The following CREB5 variants were observed in gnomAD, a reference collection of about 807,000 sequenced individuals.
CREB5 encodes cAMP responsive element binding protein 5.
CREB5 carries 19 observed loss-of-function variants against 57.1 expected under a neutral mutation model. The ratio of observed to expected loss-of-function variants is 0.33; its 90% CI spans 0.23 to 0.49. The LOEUF (loss-of-function observed/expected upper bound fraction) is 0.49. Among genes scored for constraint, CREB5 ranks in the 20% least tolerant of loss-of-function variants. The probability of loss-of-function intolerance (pLI) is 0.99; values close to 1 mark genes in which losing one functional copy is unlikely to be tolerated. For missense variants in CREB5, 579 were observed against 671.6 expected, an observed-to-expected ratio of 0.86 and a Z score of 1.52; for synonymous variants, 238 against 238.3, an observed-to-expected ratio of 1.00 and a Z score of 0.01.
rs77895098 is a variant in CREB5 at position 28,509,527 on chromosome 7, A to G, written c.291+1790A>G. On this transcript the variant is annotated intron_variant, in intron 4 of 10. Transcript: ENST00000357727. ...CTAAACTTTGAAAACCTTTTCGAAC[A>G]TTGTGACGAGCATATTTTACTTCCT... 3.2e-3 allele frequency among the ~76,000 whole-genome samples: 486 copies of G among 152,294 alleles called. 4 individuals carry two copies. The highest frequency in any genetic ancestry group is 0.011 in the African/African-American group (456 of 41,560).
At chr7:28,447,785 C>T (rs1232555030) in intron 1 of CREB5, among the ~76,000 whole-genome samples, 1 of 152,154 alleles carries the variant, frequency 6.6e-6, no homozygotes, top group Non-Finnish European at 1.5e-5. Flanking sequence ...ATTCCCAGCC[C>T]GTCTCAGGTA....
chr7:28,584,180 T>A (rs1478272733), intron 5 of CREB5, among the ~76,000 whole-genome samples: 1 of 152,160 alleles, frequency 6.6e-6, no homozygotes, highest in South Asian at 2.1e-4. Flanking sequence ...GACAGTCCTT[T>A]ACTTCTTCCT....
intron 7 of CREB5, among the ~76,000 whole-genome samples, chr7:28,792,342 G>GA (rs199972159): frequency 2.1e-4 from 29 of 141,394 alleles, no homozygotes; most frequent in East Asian, 4.1e-4. Flanking sequence ...ATATCACATG[G>GA]AAAAAAAAAA....
intron 1 of CREB5, among the ~76,000 whole-genome samples, chr7:28,312,704 G>A (rs1347310523): frequency 6.6e-6 from 1 of 152,168 alleles, no homozygotes; most frequent in South Asian, 2.1e-4. Flanking sequence ...CCTGGTAAAG[G>A]TAGGTCCAGG....
intron 4 of CREB5, among the ~76,000 whole-genome samples, chr7:28,531,961 G>A (rs185927946): frequency 9.8e-5 from 15 of 152,296 alleles, no homozygotes; most frequent in South Asian, 4.1e-4. Flanking sequence ...CCCAGGAGGC[G>A]GAGGTTGCAG....
chr7:28,394,106 A>AAAAAT (rs1787289337), intron 1 of CREB5, among the ~76,000 whole-genome samples: 6 of 136,796 alleles, frequency 4.4e-5, no homozygotes, highest in Non-Finnish European at 6.2e-5. Context: ...AAAAAAAAAA[A>AAAAAT]GTGGACTTGG....
At chr7:28,581,414 GA>G (rs1414191525) in intron 5 of CREB5, among the ~76,000 whole-genome samples, 1 of 152,282 alleles carries the variant, frequency 6.6e-6, no homozygotes, top group Non-Finnish European at 1.5e-5. Flanking sequence ...CCATTAAAGA[GA>G]AAAGAGTATG....
At chr7:28,724,704 G>A (rs1240060149) in intron 7 of CREB5, 6 of 170,936 alleles carry the variant, frequency 3.5e-5, no homozygotes, top group African/African-American at 4.8e-5. Context: ...CACTCTTCCT[G>A]TCCCCATATT....
intron 8 of CREB5, among the ~76,000 whole-genome samples, chr7:28,808,621 C>A (rs1808894997): frequency 6.6e-6 from 1 of 151,942 alleles, no homozygotes; most frequent in African/African-American, 2.4e-5. Context: ...TCATGGCAAC[C>A]TCAACCTCCT....
intron 5 of CREB5, among the ~76,000 whole-genome samples, chr7:28,575,990 T>C (rs906211919): frequency 6.6e-6 from 1 of 152,224 alleles, no homozygotes; most frequent in Admixed American, 6.5e-5. Context: ...CACATGGTAT[T>C]GTGGTCAGAT....
At chr7:28,450,367 A>T (rs1789736505) in intron 1 of CREB5, among the ~76,000 whole-genome samples, 1 of 152,240 alleles carries the variant, frequency 6.6e-6, no homozygotes, top group Non-Finnish European at 1.5e-5. Flanking sequence ...GGAAGATCTC[A>T]AAAATTATCC....
chr7:28,658,438 C>T (rs959976535), intron 5 of CREB5, among the ~76,000 whole-genome samples: 4 of 152,182 alleles, frequency 2.6e-5, no homozygotes, highest in Non-Finnish European at 4.4e-5. Flanking sequence ...TGGAGTTTCA[C>T]GCAGGCTGGA....
chr7:28,806,659 T>A (rs144551546), intron 8 of CREB5, among the ~76,000 whole-genome samples: 2 of 152,200 alleles, frequency 1.3e-5, no homozygotes, highest in Non-Finnish European at 2.9e-5. Context: ...TCCTCCTGCA[T>A]GTAAGGATGT....
In CREB5 at chr7:28,819,939, C is replaced by T. The variant is rs1809665007; in HGVS notation, c.*660C>T. 6.6e-6 allele frequency: 1 copy of T among 150,854 alleles called. No individual in the cohort carries two copies. The allele number at this position is 150,854 out of a possible 1,614,324, so 9.3% of individuals were successfully genotyped here. Reference sequence around the variant, plus strand: ...CCTATTTACTATTCATTTTGACTTCCTTCTGTTTTATTTTTTTCCCTTTAG... The same window carrying T: ...CCTATTTACTATTCATTTTGACTTCTTTCTGTTTTATTTTTTTCCCTTTAG... On this transcript the variant is annotated 3_prime_UTR_variant, in exon 11 of 11. Transcript: ENST00000357727.
intron 5 of CREB5, among the ~76,000 whole-genome samples, chr7:28,658,981 G>GTGTATATATATATA (rs1799477666): frequency 1.8e-4 from 16 of 90,088 alleles, no homozygotes; most frequent in African/African-American, 5.7e-4. Flanking sequence ...ATATATATAT[G>GTGTATATATATATA]TATATATAAG....
chr7:28,349,024 C>T (rs1026145638), intron 1 of CREB5, among the ~76,000 whole-genome samples: 8 of 152,216 alleles, frequency 5.3e-5, no homozygotes, highest in African/African-American at 1.4e-4. Flanking sequence ...CAAACGTTGC[C>T]AGGTGCAGGC....
intron 5 of CREB5, among the ~76,000 whole-genome samples, chr7:28,589,095 G>A (rs1796401105): frequency 6.6e-6 from 1 of 152,148 alleles, no homozygotes; most frequent in Non-Finnish European, 1.5e-5. Context: ...ATGAAGAATT[G>A]TATATTCGCC....
intron 5 of CREB5, among the ~76,000 whole-genome samples, chr7:28,682,119 G>C (rs147441610): frequency 2.1e-3 from 325 of 152,314 alleles, no homozygotes; most frequent in African/African-American, 7.4e-3. Context: ...TTGCCTAAGG[G>C]TACTTAGTGC....
chr7:28,611,286 T>A (rs1342308196), intron 5 of CREB5, among the ~76,000 whole-genome samples: 1 of 151,912 alleles, frequency 6.6e-6, no homozygotes, highest in East Asian at 1.9e-4. Flanking sequence ...GTTACAAAGA[T>A]GTTCATGAAT....
Sources: allele counts gnomAD v4.1 joint callset (sites outside exome capture counted in the v4.1 genomes callset), GRCh38; gene constraint gnomAD v4.1.1; transcripts MANE v1.5; gene names NCBI Gene and HGNC (gene_info 2026-07-23, HGNC 2026-07-21).